RARB: variants seen among roughly 807,000 people sequenced by gnomAD.
RARB encodes HBV-activated protein.
In RARB, 17 loss-of-function variants were observed where a neutral mutation model predicts 51.9. That is an observed-to-expected ratio of 0.33 (90% CI 0.22 to 0.49). The LOEUF (loss-of-function observed/expected upper bound fraction) is 0.49. Among genes scored for constraint, RARB ranks in the 20% least tolerant of loss-of-function variants. The pLI is 0.99. For synonymous variants in RARB, 215 were observed against 195.4 expected, an observed-to-expected ratio of 1.10 and a Z score of -0.84; for missense variants, 369 against 550.8, an observed-to-expected ratio of 0.67 and a Z score of 3.30.
At chr3:25,445,528 T>C (rs2125535025) in intron 1 of RARB, among the ~76,000 whole-genome samples, 1 of 152,050 alleles carries the variant, frequency 6.6e-6, no homozygotes, top group South Asian at 2.1e-4. Flanking sequence ...TAACCTGGCA[T>C]GGTGGGGGCA....
intron 2 of RARB, among the ~76,000 whole-genome samples, chr3:24,970,510 T>C (rs1215987480): frequency 6.6e-6 from 1 of 151,516 alleles, no homozygotes; most frequent in African/African-American, 2.4e-5. Context: ...CTTTTAAATA[T>C]CAAAGACCGG....
intron 5 of RARB, among the ~76,000 whole-genome samples, chr3:25,373,003 G>C (rs1295424633): frequency 6.6e-6 from 1 of 152,084 alleles, no homozygotes; most frequent in Non-Finnish European, 1.5e-5. Context: ...GATTAGGAGT[G>C]TTTTTACTGA....
intron 2 of RARB, among the ~76,000 whole-genome samples, chr3:25,037,095 A>G (rs1485579568): frequency 6.6e-6 from 1 of 152,168 alleles, no homozygotes; most frequent in Non-Finnish European, 1.5e-5. Context: ...CAAAACTGAC[A>G]TTTATAGCTT....
chr3:25,024,236 T>C (rs994139618), intron 2 of RARB, among the ~76,000 whole-genome samples: 1 of 152,234 alleles, frequency 6.6e-6, no homozygotes, highest in African/African-American at 2.4e-5. Flanking sequence ...ATCTGTCTTT[T>C]CTAATTTTTG....
chr3:25,502,947 C>A (rs17590545), intron 3 of RARB, among the ~76,000 whole-genome samples: 8,999 of 152,246 alleles, frequency 0.059, 291 homozygotes, highest in Non-Finnish European at 0.078. Flanking sequence ...CCAAGAAGAA[C>A]CCATTACAGC....
At chr3:25,267,089 A>G (rs1312565803) in intron 5 of RARB, among the ~76,000 whole-genome samples, 1 of 152,170 alleles carries the variant, frequency 6.6e-6, no homozygotes, top group Non-Finnish European at 1.5e-5. Context: ...ATAAATATGT[A>G]AGAAAACTTC....
rs1300264464 is a variant in RARB at position 25,203,749 on chromosome 3, G to A, written c.178+29174G>A. Among the ~76,000 whole-genome samples the A allele has an allele frequency of 2.0e-5, 3 of 152,286 alleles. No individual in the cohort carries two copies. In the East Asian group the frequency reaches 5.8e-4, roughly 29 times the overall value. ...GAAAATTCTTTTCTTTAAGAATGTTGAATATTGGCCCCCACTCTCTTCTGG... is the reference window on the plus strand; with the variant it reads ...GAAAATTCTTTTCTTTAAGAATGTTAAATATTGGCCCCCACTCTCTTCTGG... On this transcript the variant is annotated intron_variant, in intron 5 of 11. Transcript: ENST00000383772.
intron 3 of RARB, among the ~76,000 whole-genome samples, chr3:25,065,854 T>C (rs1698650448): frequency 6.6e-6 from 1 of 152,220 alleles, no homozygotes; most frequent in Non-Finnish European, 1.5e-5. Flanking sequence ...CACTGTTACC[T>C]GGTATATCCT....
chr3:24,949,586 G>C (rs78535493), intron 2 of RARB, among the ~76,000 whole-genome samples: 3,041 of 152,256 alleles, frequency 0.02, 60 homozygotes, highest in Middle Eastern at 0.068. Flanking sequence ...ATTTTGAGGC[G>C]AGAATATGTA....
chr3:25,565,085 C>A (rs1700436748), intron 3 of RARB, among the ~76,000 whole-genome samples: 1 of 152,166 alleles, frequency 6.6e-6, no homozygotes, highest in Admixed American at 6.5e-5. Flanking sequence ...CCCAGTAATA[C>A]ACAGGCACAG....
intron 5 of RARB, among the ~76,000 whole-genome samples, chr3:25,204,861 A>T: frequency 6.6e-6 from 1 of 152,072 alleles, no homozygotes; most frequent in East Asian, 1.9e-4. Flanking sequence ...CAGTTAGGCT[A>T]CTCGGGGGTC....
At chr3:25,573,850 T>A (rs572358051) in intron 4 of RARB, among the ~76,000 whole-genome samples, 1 of 152,240 alleles carries the variant, frequency 6.6e-6, no homozygotes, top group South Asian at 2.1e-4. Context: ...GAGTAGTTCC[T>A]TTTTCTTCCC....
intron 5 of RARB, among the ~76,000 whole-genome samples, chr3:25,349,949 G>A (rs946634471): frequency 2.0e-5 from 3 of 151,930 alleles, no homozygotes; most frequent in Admixed American, 2.0e-4. Context: ...TGACAAGTTG[G>A]TACTGGAGCT....
intron 5 of RARB, among the ~76,000 whole-genome samples, chr3:25,374,905 C>T (rs2125474692): frequency 6.6e-6 from 1 of 152,304 alleles, no homozygotes; most frequent in South Asian, 2.1e-4. Flanking sequence ...CTAGAAAACA[C>T]CACAGAGAAG....
chr3:25,303,350 G>T (rs1227141867), intron 5 of RARB, among the ~76,000 whole-genome samples: 3 of 152,144 alleles, frequency 2.0e-5, no homozygotes, highest in Non-Finnish European at 2.9e-5. Context: ...AACTCCTGTT[G>T]ACTGCATTTG....
chr3:25,494,851 A>G (rs914328614), intron 2 of RARB, among the ~76,000 whole-genome samples: 1 of 152,214 alleles, frequency 6.6e-6, no homozygotes, highest in Non-Finnish European at 1.5e-5. Context: ...TTGTTCAGAA[A>G]AAACTGAGGA....
At chr3:25,396,184 G>A (rs1016696126) in intron 5 of RARB, among the ~76,000 whole-genome samples, 79 of 152,256 alleles carry the variant, frequency 5.2e-4, no homozygotes, top group African/African-American at 1.8e-3. Context: ...TAATGGGGAG[G>A]GTCTGTAAAG....
At chr3:25,183,840 C>T (rs1700916221) in intron 5 of RARB, among the ~76,000 whole-genome samples, 2 of 151,420 alleles carry the variant, frequency 1.3e-5, no homozygotes, top group African/African-American at 2.5e-5. Flanking sequence ...TTGTCTTCTC[C>T]CTTATATTTA....
intron 5 of RARB, among the ~76,000 whole-genome samples, chr3:25,308,310 T>C (rs747878188): frequency 1.3e-5 from 2 of 152,178 alleles, no homozygotes; most frequent in East Asian, 3.8e-4. Flanking sequence ...TACAAATCTA[T>C]CTCCTTGTAA....
Sources: gnomAD v4.1 joint callset for allele counts (sites outside exome capture counted in the v4.1 genomes callset) on GRCh38, gnomAD v4.1.1 for gene constraint, MANE v1.5 for transcripts, NCBI Gene and HGNC (gene_info 2026-07-23, HGNC 2026-07-21) for gene names.